The following EPHB1 variants were observed in gnomAD, a reference collection of about 807,000 sequenced individuals.
The protein encoded by EPHB1 is ephrin type-B receptor 1.
A neutral mutation model predicts 94.4 loss-of-function variants in EPHB1; 30 were observed. That is an observed-to-expected ratio of 0.32 (90% CI 0.24 to 0.43). The LOEUF (loss-of-function observed/expected upper bound fraction) is 0.43, where lower values mean the gene tolerates loss of function less well. EPHB1 is among the 20% of genes least tolerant of loss of function. The probability of loss-of-function intolerance (pLI) is 1.00; values close to 1 mark genes in which losing one functional copy is unlikely to be tolerated. For synonymous variants in EPHB1, 522 were observed against 489.1 expected, an observed-to-expected ratio of 1.07 and a Z score of -0.89; for missense variants, 1,055 against 1,308.3, an observed-to-expected ratio of 0.81 and a Z score of 2.99.
chr3:135,143,696 G>A (rs138721126), intron 5 of EPHB1, among the ~76,000 whole-genome samples: 1,697 of 152,276 alleles, frequency 0.011, 23 homozygotes, highest in African/African-American at 0.039. Context: ...CAGTTGACAT[G>A]TGAGTACCAA....
chr3:134,873,184 A>G (rs1233851535), intron 1 of EPHB1, among the ~76,000 whole-genome samples: 1 of 152,182 alleles, frequency 6.6e-6, no homozygotes, highest in Non-Finnish European at 1.5e-5. Flanking sequence ...GGAGGGAGGG[A>G]AGAGAGCAAG....
intron 4 of EPHB1, among the ~76,000 whole-genome samples, chr3:135,125,745 A>G (rs1344778376): frequency 6.6e-6 from 1 of 152,086 alleles, no homozygotes; most frequent in African/African-American, 2.4e-5. Context: ...GGCTTATGTT[A>G]TCCTCCAATC....
At chr3:135,141,865 G>T (rs1473797738) in intron 5 of EPHB1, among the ~76,000 whole-genome samples, 1 of 152,186 alleles carries the variant, frequency 6.6e-6, no homozygotes, top group African/African-American at 2.4e-5. Flanking sequence ...GGTCCTCAGG[G>T]AGGGGCCTGG....
chr3:134,893,456 AC>A, intron 1 of EPHB1, among the ~76,000 whole-genome samples: 1 of 151,700 alleles, frequency 6.6e-6, no homozygotes, highest in Non-Finnish European at 1.5e-5. Flanking sequence ...CTGATCTCCC[AC>A]CCCTCTCTCC....
At chr3:135,197,378 G>C in intron 11 of EPHB1, among the ~76,000 whole-genome samples, 1 of 152,214 alleles carries the variant, frequency 6.6e-6, no homozygotes, top group East Asian at 1.9e-4. Flanking sequence ...GTCAGGAAGA[G>C]AACACCAGAT....
intron 1 of EPHB1, among the ~76,000 whole-genome samples, chr3:134,855,800 A>G (rs558221761): frequency 1.3e-5 from 2 of 152,300 alleles, no homozygotes; most frequent in South Asian, 4.1e-4. Flanking sequence ...GTTGCACTGC[A>G]ATAACTCGTG....
At chr3:134,939,579 T>G (rs906695798) in intron 2 of EPHB1, among the ~76,000 whole-genome samples, 1 of 152,236 alleles carries the variant, frequency 6.6e-6, no homozygotes, top group Non-Finnish European at 1.5e-5. Flanking sequence ...ACATTTTAAT[T>G]AGCCCTCTAG....
chr3:134,795,379 C>T lies in EPHB1; in HGVS notation c.-253C>T. On this transcript the variant is annotated 5_prime_UTR_variant, in exon 1 of 16. The change creates a new upstream start codon in the 5' untranslated region. Coordinates refer to ENST00000398015, the MANE Select transcript of EPHB1 (RefSeq NM_004441.5). The stretch of plus-strand genomic sequence containing the variant: ...TCCCTCGCCCTCTCTCTCTCACACA[C>T]GCACGCACACACCCACCTCTCCCAT... 1.9e-6 allele frequency: 1 copy of T among 524,186 alleles called. No individual in the cohort carries two copies. Among genetic ancestry groups the T allele is most frequent in the South Asian group, 2.5e-5 (1 of 39,520 alleles). The allele number at this position is 524,186 out of a possible 1,614,324, so 32.5% of individuals were successfully genotyped here. A position where few individuals can be genotyped will look rare whatever the true frequency, so the allele number is the denominator to read the frequency against.
intron 3 of EPHB1, among the ~76,000 whole-genome samples, chr3:135,034,909 A>G (rs917399100): frequency 4.6e-5 from 7 of 152,242 alleles, no homozygotes; most frequent in African/African-American, 1.7e-4. Context: ...AGCCAGAGGA[A>G]GGAGGACGAT....
chr3:135,016,598 GC>G (rs1423938075), intron 3 of EPHB1, among the ~76,000 whole-genome samples: 1 of 152,212 alleles, frequency 6.6e-6, no homozygotes, highest in African/African-American at 2.4e-5. Flanking sequence ...GGCAAGAAAT[GC>G]CAGTTGCCTT....
chr3:134,860,156 C>CACACACACACACAG (rs2037219743), intron 1 of EPHB1, among the ~76,000 whole-genome samples: 1 of 127,644 alleles, frequency 7.8e-6, no homozygotes, highest in South Asian at 2.9e-4. Flanking sequence ...AAGGGACACA[C>CACACACACACACAG]ACACACACAC....
chr3:135,216,145 C>A (rs570285982), intron 12 of EPHB1, among the ~76,000 whole-genome samples: 1 of 152,160 alleles, frequency 6.6e-6, no homozygotes, highest in Admixed American at 6.5e-5. Flanking sequence ...TTCCCAGATG[C>A]CCACCCAGCC....
At chr3:134,911,564 G>T (rs1434990092) in intron 1 of EPHB1, among the ~76,000 whole-genome samples, 1 of 152,168 alleles carries the variant, frequency 6.6e-6, no homozygotes, top group East Asian at 1.9e-4. Context: ...TCTGAAGAGG[G>T]GTGGCTGAGG....
At chr3:134,835,215 A>G (rs988869798) in intron 1 of EPHB1, among the ~76,000 whole-genome samples, 15 of 152,212 alleles carry the variant, frequency 9.9e-5, no homozygotes, top group African/African-American at 3.4e-4. Flanking sequence ...CTGTTGCCTG[A>G]GGTGAGAAAT....
chr3:135,126,845 A>G (rs1940228692), intron 4 of EPHB1, among the ~76,000 whole-genome samples: 1 of 152,186 alleles, frequency 6.6e-6, no homozygotes, highest in Non-Finnish European at 1.5e-5. Flanking sequence ...CATAGGTTCC[A>G]TGACCTCACG....
intron 3 of EPHB1, among the ~76,000 whole-genome samples, chr3:135,055,565 T>C (rs947718942): frequency 6.6e-6 from 1 of 152,240 alleles, no homozygotes; most frequent in South Asian, 2.1e-4. Flanking sequence ...AGTCTGCTCC[T>C]GACACACGTC....
intron 1 of EPHB1, among the ~76,000 whole-genome samples, chr3:134,816,668 C>G (rs1422735801): frequency 6.6e-6 from 1 of 151,824 alleles, no homozygotes; most frequent in Non-Finnish European, 1.5e-5. Flanking sequence ...AAAATTGATC[C>G]CTAAATCATT....
chr3:134,828,366 G>A (rs1391180405), intron 1 of EPHB1, among the ~76,000 whole-genome samples: 2 of 152,136 alleles, frequency 1.3e-5, no homozygotes, highest in Non-Finnish European at 2.9e-5. Context: ...TTCCCAAGTG[G>A]GATGAGAAAA....
chr3:135,103,825 C>G (rs1206594512), intron 3 of EPHB1, among the ~76,000 whole-genome samples: 1 of 152,178 alleles, frequency 6.6e-6, no homozygotes, highest in Non-Finnish European at 1.5e-5. Context: ...GACCTCCTCC[C>G]CTCCACTTCC....
Sources: allele counts gnomAD v4.1 joint callset (sites outside exome capture counted in the v4.1 genomes callset), GRCh38; gene constraint gnomAD v4.1.1; transcripts MANE v1.5; gene names NCBI Gene and HGNC (gene_info 2026-07-23, HGNC 2026-07-21).